Variants in CCM2 observed in about 807,000 individuals in gnomAD.
CCM2 encodes the protein cerebral cavernous malformations 2 protein.
A neutral mutation model predicts 44.9 loss-of-function variants in CCM2; 25 were observed. The ratio of observed to expected loss-of-function variants is 0.56; its 90% CI spans 0.41 to 0.78. The LOEUF (loss-of-function observed/expected upper bound fraction) is 0.78, where lower values mean the gene tolerates loss of function less well. CCM2 is among the 30% of genes least tolerant of loss of function. CCM2 has a pLI of 0.00. For missense variants in CCM2, 481 were observed against 580.6 expected (o/e 0.83, Z 1.76); for synonymous variants, 219 against 241.1 (o/e 0.91, Z 0.85).
intron 1 of CCM2, among the ~76,000 whole-genome samples, chr7:45,021,315 C>T (rs767651453): frequency 2.8e-4 from 43 of 152,002 alleles, no homozygotes; most frequent in Middle Eastern, 3.2e-3. Flanking sequence ...GTAATCTCAG[C>T]ACTTTGGGAG....
chr7:45,055,073 G>C (rs1297597781), intron 2 of CCM2, among the ~76,000 whole-genome samples: 1 of 152,194 alleles, frequency 6.6e-6, no homozygotes, highest in Non-Finnish European at 1.5e-5. Context: ...CCTCTTTAGA[G>C]ATCTGTGAGC....
intron 1 of CCM2, among the ~76,000 whole-genome samples, chr7:45,023,423 G>T (rs961404298): frequency 1.3e-5 from 2 of 152,118 alleles, no homozygotes; most frequent in African/African-American, 4.8e-5. Context: ...GGTGTTGCGC[G>T]TCTGTAATCC....
At chr7:45,001,648 A>G (rs919248138) in intron 1 of CCM2, among the ~76,000 whole-genome samples, 5 of 152,186 alleles carry the variant, frequency 3.3e-5, no homozygotes, top group Admixed American at 2.6e-4. Flanking sequence ...CACCGCTTAC[A>G]GGAGTACCTG....
chr7:45,072,061 T>G, intron 6 of CCM2: 1 of 357,956 alleles, frequency 2.8e-6, no homozygotes, highest in South Asian at 2.1e-5. Context: ...TTACCCTCTC[T>G]GCAACACTCA....
intron 7 of CCM2, 69 bp from the exon 8 acceptor site, chr7:45,073,391 G>T: frequency 2.0e-6 from 2 of 1,022,148 alleles, no homozygotes; most frequent in South Asian, 1.3e-5. Context: ...CATGGACTAG[G>T]TTTCCTGAAA....
intron 1 of CCM2, among the ~76,000 whole-genome samples, chr7:45,004,776 G>A (rs1218101108): frequency 1.3e-5 from 2 of 152,094 alleles, no homozygotes; most frequent in Non-Finnish European, 2.9e-5. Context: ...GGGAGGCTGA[G>A]GTGGGTGGAT....
chr7:45,015,902 C>T (rs1299787511), intron 1 of CCM2, among the ~76,000 whole-genome samples: 1 of 152,198 alleles, frequency 6.6e-6, no homozygotes, highest in Non-Finnish European at 1.5e-5. Context: ...CCCACCTCCC[C>T]ATCCGAAAGC....
At chr7:45,003,358 C>T (rs1463963037) in intron 1 of CCM2, among the ~76,000 whole-genome samples, 1 of 152,126 alleles carries the variant, frequency 6.6e-6, no homozygotes, top group African/African-American at 2.4e-5. Flanking sequence ...GGCTGAGCCA[C>T]CGCACCTGAC....
At position 45,000,229 on chromosome 7, in the gene CCM2, C is replaced by T; in HGVS notation, c.-105C>T. On this transcript the variant is annotated 5_prime_UTR_variant, in exon 1 of 10. Transcript: ENST00000258781. Reference sequence around the variant, plus strand: ...GACTTCGGGCCCGGCTGGCGGGCGGCGCCGGGAGCGCGGGGGCGGCGGGCC... The same window carrying T: ...GACTTCGGGCCCGGCTGGCGGGCGGTGCCGGGAGCGCGGGGGCGGCGGGCC... 3.0e-6 allele frequency: 2 copies of T among 663,724 alleles called. No homozygotes were observed. The highest frequency in any genetic ancestry group is 3.6e-6 in the Non-Finnish European group (2 of 548,438). The allele number at this position is 663,724 out of a possible 1,614,324, so 41.1% of individuals were successfully genotyped here.
chr7:45,043,591 T>C (rs1797613736), intron 2 of CCM2: 1 of 297,170 alleles, frequency 3.4e-6, no homozygotes, highest in Non-Finnish European at 6.4e-6. Context: ...ATTGTGCCAC[T>C]GCACTCCAGC....
chr7:45,009,400 TTG>T (rs1795979230), intron 1 of CCM2, among the ~76,000 whole-genome samples: 1 of 117,948 alleles, frequency 8.5e-6, no homozygotes. Flanking sequence ...TTGGCTATAC[TTG>T]TTTTTTTTTT....
intron 4 of CCM2, among the ~76,000 whole-genome samples, chr7:45,066,540 A>G (rs992973029): frequency 6.6e-6 from 1 of 152,236 alleles, no homozygotes; most frequent in African/African-American, 2.4e-5. Flanking sequence ...GCTATGTGCA[A>G]GCAAGTCTCT....
In CCM2 at chr7:45,017,139, C is replaced by T. The variant is rs114153206; in HGVS notation, c.30+16776C>T. Among the ~76,000 whole-genome samples the T allele has an allele frequency of 5.1e-3, 777 of 152,308 alleles. 10 individuals are homozygous for T. Among genetic ancestry groups the T allele is most frequent in the African/African-American group, 0.018 (748 of 41,580 alleles). ...GCAGGTTTGTTATATAGGTAAACAT[C>T]TGTCATGGGGATTTGGTGTATAGAT... On this transcript the variant is annotated intron_variant, in intron 1 of 9. Coordinates refer to ENST00000258781, the MANE Select transcript of CCM2 (RefSeq NM_031443.4).
At chr7:45,024,862 G>T (rs970796155) in intron 1 of CCM2, among the ~76,000 whole-genome samples, 3 of 152,118 alleles carry the variant, frequency 2.0e-5, no homozygotes, top group African/African-American at 7.2e-5. Flanking sequence ...TTGAGGGTTT[G>T]TCTCTTACAT....
At chr7:45,009,283 A>G (rs1461711081) in intron 1 of CCM2, among the ~76,000 whole-genome samples, 1 of 128,484 alleles carries the variant, frequency 7.8e-6, no homozygotes, top group African/African-American at 3.2e-5. Context: ...CCTGGGCGAC[A>G]GAGGGAGCCT....
chr7:45,072,520 A>AG, intron 6 of CCM2: 1 of 651,712 alleles, frequency 1.5e-6, no homozygotes, highest in Non-Finnish European at 2.8e-6. Flanking sequence ...GATCCCCAGG[A>AG]GGGGTGTATG....
intron 1 of CCM2, among the ~76,000 whole-genome samples, chr7:45,022,742 CTTTTA>C (rs1796531076): frequency 6.6e-6 from 1 of 151,172 alleles, no homozygotes; most frequent in Non-Finnish European, 1.5e-5. Flanking sequence ...TGAAGTCTGG[CTTTTA>C]TTTTATTTTT....
chr7:45,035,061 C>T (rs1797151787), intron 1 of CCM2, among the ~76,000 whole-genome samples: 1 of 152,042 alleles, frequency 6.6e-6, no homozygotes, highest in Admixed American at 6.6e-5. Flanking sequence ...GTCTTGAATC[C>T]CTGAGCTCAA....
chr7:45,056,930 A>T (rs548974589), intron 2 of CCM2, among the ~76,000 whole-genome samples: 1 of 152,168 alleles, frequency 6.6e-6, no homozygotes, highest in Admixed American at 6.5e-5. Flanking sequence ...TTCTTCTAAG[A>T]ATTTTATAGT....
Sources: gnomAD v4.1 joint callset for allele counts (sites outside exome capture counted in the v4.1 genomes callset) on GRCh38, gnomAD v4.1.1 for gene constraint, MANE v1.5 for transcripts, NCBI Gene and HGNC (gene_info 2026-07-23, HGNC 2026-07-21) for gene names.